Variants in RNF141 observed in about 807,000 individuals in gnomAD.
The protein encoded by RNF141 is C3HC4-like zinc finger protein.
RNF141 carries 18 observed loss-of-function variants against 27.4 expected under a neutral mutation model. The ratio of observed to expected loss-of-function variants is 0.66; its 90% confidence interval spans 0.45 to 0.97. RNF141 has a LOEUF of 0.97. RNF141 is among the 50% of genes least tolerant of loss of function. The pLI is 0.00. For synonymous variants in RNF141, 97 were observed against 96.6 expected (o/e 1.00, Z -0.02); for missense variants, 230 against 279.4 (o/e 0.82, Z 1.26).
intron 3 of RNF141, among the ~76,000 whole-genome samples, chr11:10,529,242 A>C (rs545789493): frequency 1.3e-5 from 2 of 152,250 alleles, no homozygotes; most frequent in Non-Finnish European, 2.9e-5. Context: ...ATATGACCCA[A>C]TACTGACCAG....
At chr11:10,536,209 CAG>C (rs1020417836) in intron 1 of RNF141, among the ~76,000 whole-genome samples, 1 of 151,684 alleles carries the variant, frequency 6.6e-6, no homozygotes, top group East Asian at 1.9e-4. Context: ...TCAGAATGGT[CAG>C]AGTTAGGGAT....
chr11:10,515,053 T>G lies in RNF141; in HGVS notation c.556A>C (p.Arg186=). The change falls in exon 6 of 6, where the codon AGG becomes CGG. Residue 186 remains arginine, a synonymous_variant. Coordinates refer to ENST00000265981, the MANE Select transcript of RNF141 (RefSeq NM_016422.4). ...TGTAGGCGACAAATAGGGCAATTCC[T>G]GTGTCGATCACTCCTATTAGAGAAG... ...KCIDKWSDRH[R]NCPICRLQMT... is the part of the protein sequence containing the mutation. 6.2e-7 allele frequency: 1 copy of G among 1,613,450 alleles called. No individual in the cohort carries two copies. Among genetic ancestry groups the G allele is most frequent in the Non-Finnish European group, 8.5e-7 (1 of 1,179,752 alleles).
chr11:10,524,177 G>A (rs1272065902), intron 4 of RNF141, among the ~76,000 whole-genome samples: 1 of 152,184 alleles, frequency 6.6e-6, no homozygotes, highest in African/African-American at 2.4e-5. Flanking sequence ...CACTCTGGGA[G>A]GCCGAGGAGG....
Position 10,526,655 on chromosome 11 carries a change from C to T in RNF141, c.253-1282G>A, listed in dbSNP as rs143477919. On this transcript the variant is annotated intron_variant, in intron 3 of 5. Transcript: ENST00000265981. ...AAAATTAGCTGAGCATGGTGGCACA[C>T]GCCTATAGTCCCAGCTACTTGGGAA... 1.3e-3 allele frequency among the ~76,000 whole-genome samples: 205 copies of T among 152,126 alleles called. 5 individuals carry two copies. In the East Asian group the frequency reaches 0.038, roughly 28 times the overall value.
In RNF141 at chr11:10,525,273, A is replaced by C. The variant is rs1247358090; in HGVS notation, c.353T>G (p.Leu118Trp). 2 of 1,613,582 alleles carry C rather than the reference A, an allele frequency of 1.2e-6. No homozygotes were observed. Among genetic ancestry groups the C allele is most frequent in the Admixed American group, 3.3e-5 (2 of 59,998 alleles). Residue 118 changes from leucine to tryptophan, a missense_variant, in exon 4 of 6, where the codon TTG becomes TGG. Coordinates refer to ENST00000265981, the MANE Select transcript of RNF141 (RefSeq NM_016422.4). The stretch of plus-strand genomic sequence containing the variant: ...TTCTTCAGAGGTGGAGCTCTGTGCC[A>C]ATACTCCTGCTGCTTGACTTGTGAT... ...KDITSQAAGV[L>W]AQSSTSEEPD...
At chr11:10,530,794 T>C (rs201572891) in intron 2 of RNF141, 43 bp from the exon 3 acceptor site, 15 of 1,222,222 alleles carry the variant, frequency 1.2e-5, no homozygotes, top group East Asian at 9.9e-5. Context: ...AAAAATCATA[T>C]ATTAATAAAA....
chr11:10,527,554 GTAGA>G (rs1048324116), intron 3 of RNF141, among the ~76,000 whole-genome samples: 1 of 151,010 alleles, frequency 6.6e-6, no homozygotes, highest in African/African-American at 2.4e-5. Flanking sequence ...GGAAGGAGTG[GTAGA>G]TAGACGGTGA....
At position 10,512,007 on chromosome 11, in the gene RNF141, C is replaced by T. The variant is rs1849804308; in HGVS notation, c.*2909G>A. 6.6e-6 allele frequency: 1 copy of T among 152,606 alleles called. No individual in the cohort carries two copies. Among genetic ancestry groups the T allele is most frequent in the African/African-American group, 2.4e-5 (1 of 41,454 alleles). 9.5% of individuals were successfully genotyped at this position (152,606 alleles called of 1,614,324 possible). A position where few individuals can be genotyped will look rare whatever the true frequency, so the allele number is the denominator to read the frequency against. ...ATAACACAGATCCTATTATTCTCAACCTCTAAATTCAGTACATAGTAAAAT... is the reference window on the plus strand; with the variant it reads ...ATAACACAGATCCTATTATTCTCAATCTCTAAATTCAGTACATAGTAAAAT... On this transcript the variant is annotated 3_prime_UTR_variant, in exon 6 of 6. Coordinates refer to ENST00000265981, the MANE Select transcript of RNF141 (RefSeq NM_016422.4).
intron 1 of RNF141, among the ~76,000 whole-genome samples, chr11:10,534,605 T>C (rs976763275): frequency 3.3e-5 from 5 of 152,176 alleles, no homozygotes; most frequent in African/African-American, 1.2e-4. Flanking sequence ...CAAACTGTTT[T>C]CCGTATATTA....
intron 2 of RNF141, among the ~76,000 whole-genome samples, chr11:10,531,667 A>G (rs1046863396): frequency 4.6e-5 from 7 of 152,234 alleles, no homozygotes; most frequent in Non-Finnish European, 8.8e-5. Context: ...AGATAATTCA[A>G]TATCATGCTA....
At chr11:10,526,896 T>C (rs1007811669) in intron 3 of RNF141, among the ~76,000 whole-genome samples, 1 of 152,006 alleles carries the variant, frequency 6.6e-6, no homozygotes, top group Non-Finnish European at 1.5e-5. Flanking sequence ...GAGATGCAAA[T>C]ATACAAGGTT....
chr11:10,524,714 C>CT (rs1401710058), intron 4 of RNF141, among the ~76,000 whole-genome samples: 1 of 152,152 alleles, frequency 6.6e-6, no homozygotes, highest in Non-Finnish European at 1.5e-5. Flanking sequence ...ACTTCATTTC[C>CT]TTCTGGTAAC....
At chr11:10,526,210 A>G (rs1383997661) in intron 3 of RNF141, among the ~76,000 whole-genome samples, 1 of 152,196 alleles carries the variant, frequency 6.6e-6, no homozygotes, top group African/African-American at 2.4e-5. Flanking sequence ...TAAGCCATGA[A>G]ATCTATTAAG....
chr11:10,527,330 C>T (rs1050230305), intron 3 of RNF141, among the ~76,000 whole-genome samples: 13 of 152,102 alleles, frequency 8.5e-5, no homozygotes, highest in Non-Finnish European at 1.6e-4. Flanking sequence ...GGAGAAGGAA[C>T]GCTGAGGGGT....
At chr11:10,536,723 C>G (rs1305562895) in intron 1 of RNF141, among the ~76,000 whole-genome samples, 1 of 152,212 alleles carries the variant, frequency 6.6e-6, no homozygotes, top group South Asian at 2.1e-4. Flanking sequence ...CTCGGCCTCC[C>G]AGGCCGAGGA....
rs576965390 is a variant in RNF141, at chr11:10,529,968, G to A, written c.252+675C>T. On this transcript the variant is annotated intron_variant, in intron 3 of 5. Transcript: ENST00000265981. Reference sequence around the variant, plus strand: ...CCCAGGGAATCTTTATGGGTCAGTCGGGAATGAACTTCAGAGCGCTCATGA... The same window carrying A: ...CCCAGGGAATCTTTATGGGTCAGTCAGGAATGAACTTCAGAGCGCTCATGA... Among the ~76,000 whole-genome samples the A allele has an allele frequency of 7.1e-3, 1,077 of 152,236 alleles. 6 individuals carry two copies. Among genetic ancestry groups the A allele is most frequent in the Non-Finnish European group, 9.2e-3 (628 of 68,014 alleles).
At chr11:10,531,845 C>T (rs775893797) in intron 2 of RNF141, 18 of 241,474 alleles carry the variant, frequency 7.5e-5, no homozygotes, top group East Asian at 1.4e-4. Context: ...ACAAAGTCTT[C>T]GGTGAAAATA....
At chr11:10,540,552 A>AG (rs1262036437) in intron 1 of RNF141, among the ~76,000 whole-genome samples, 1 of 152,214 alleles carries the variant, frequency 6.6e-6, no homozygotes, top group African/African-American at 2.4e-5. Context: ...TAGTTTGACA[A>AG]GGAAAGACCT....
intron 3 of RNF141, among the ~76,000 whole-genome samples, chr11:10,529,754 T>G (rs1156606518): frequency 6.6e-6 from 1 of 152,230 alleles, no homozygotes; most frequent in East Asian, 1.9e-4. Flanking sequence ...GAGATCAGTC[T>G]GCTTGAGAGC....
Sources: allele counts gnomAD v4.1 joint callset (sites outside exome capture counted in the v4.1 genomes callset), GRCh38; gene constraint gnomAD v4.1.1; transcripts MANE v1.5; gene names NCBI Gene and HGNC (gene_info 2026-07-23, HGNC 2026-07-21).